Variants in SLC25A21 observed in about 807,000 individuals in gnomAD.
SLC25A21 encodes the protein mitochondrial 2-oxodicarboxylate carrier.
A neutral mutation model predicts 43.8 loss-of-function variants in SLC25A21; 47 were observed. The observed-to-expected ratio is 1.07, with a 90% confidence interval of 0.85 to 1.37. The LOEUF is 1.37. Among genes scored for constraint, SLC25A21 ranks in the 40% most tolerant of loss-of-function variants. The pLI is 0.00. For synonymous variants in SLC25A21, 131 were observed against 121.3 expected (o/e 1.08, Z -0.52); for missense variants, 352 against 350.2 (o/e 1.00, Z -0.04).
At chr14:37,031,080 A>T (rs1594760076) in intron 1 of SLC25A21, among the ~76,000 whole-genome samples, 1 of 152,206 alleles carries the variant, frequency 6.6e-6, no homozygotes, top group African/African-American at 2.4e-5. Context: ...TCTAAAACAG[A>T]GCAATTTCCA....
intron 1 of SLC25A21, among the ~76,000 whole-genome samples, chr14:36,987,403 C>T (rs1263325638): frequency 6.6e-6 from 1 of 152,024 alleles, no homozygotes; most frequent in Non-Finnish European, 1.5e-5. Context: ...AATACATGAT[C>T]ATTTTAGAAA....
At chr14:37,052,386 G>A (rs1187486525) in intron 1 of SLC25A21, among the ~76,000 whole-genome samples, 1 of 152,180 alleles carries the variant, frequency 6.6e-6, no homozygotes, top group Non-Finnish European at 1.5e-5. Context: ...GATGCACCCA[G>A]CTGGACCCCA....
chr14:36,911,956 A>G (rs1891696816), intron 1 of SLC25A21, among the ~76,000 whole-genome samples: 1 of 152,200 alleles, frequency 6.6e-6, no homozygotes, highest in African/African-American at 2.4e-5. Context: ...AATCATAAAA[A>G]TATACATCAT....
At chr14:37,161,379 C>T (rs1963937428) in intron 1 of SLC25A21, among the ~76,000 whole-genome samples, 1 of 152,036 alleles carries the variant, frequency 6.6e-6, no homozygotes, top group Non-Finnish European at 1.5e-5. Flanking sequence ...AGGAACTTTT[C>T]AGAAAGGTTG....
chr14:36,683,958 A>G (rs1884217), intron 8 of SLC25A21, 78 bp from the exon 9 acceptor site: 508,758 of 1,012,472 alleles, frequency 0.5, 134,148 homozygotes, highest in East Asian at 0.84. Context: ...TGAGATAGGG[A>G]CCCAGCATTT....
chr14:36,683,442 G>A (rs1049572770), intron 9 of SLC25A21, among the ~76,000 whole-genome samples: 1 of 152,198 alleles, frequency 6.6e-6, no homozygotes, highest in Non-Finnish European at 1.5e-5. Flanking sequence ...TGAGGCAGGA[G>A]CAAGAATGAA....
chr14:37,040,369 GAGAGAGAAAGAAAGAA>G lies in SLC25A21; in HGVS notation c.70+131896_70+131911del, dbSNP rs1206145374. On this transcript the variant is annotated intron_variant, in intron 1 of 9. Coordinates refer to ENST00000331299, the MANE Select transcript of SLC25A21 (RefSeq NM_030631.4). Reference sequence around the variant, plus strand: ...GGAAGGAAGGAAAGAAAGAGAGAGAGAGAGAGAAAGAAAGAAAGAAAGAAAGAAAGAAAGAAAGAAA... The same window carrying G: ...GGAAGGAAGGAAAGAAAGAGAGAGAGAGAAAGAAAGAAAGAAAGAAAGAAA... Among the ~76,000 whole-genome samples the G allele has an allele frequency of 7.7e-3, 217 of 28,302 alleles. 28 individuals are homozygous for G. The highest frequency in any genetic ancestry group is 0.056 in the African/African-American group (82 of 1,472). 18.6% of individuals were successfully genotyped at this position (28,302 alleles called of 152,430 possible). A position where few individuals can be genotyped will look rare whatever the true frequency, so the allele number is the denominator to read the frequency against.
chr14:36,842,230 C>T (rs557856425), intron 2 of SLC25A21, among the ~76,000 whole-genome samples: 13 of 152,198 alleles, frequency 8.5e-5, no homozygotes, highest in South Asian at 2.1e-4. Context: ...TCCTCTTCTG[C>T]CTAACCAATT....
intron 1 of SLC25A21, among the ~76,000 whole-genome samples, chr14:36,985,837 C>G (rs1025119613): frequency 6.6e-6 from 1 of 152,112 alleles, no homozygotes; most frequent in Non-Finnish European, 1.5e-5. Flanking sequence ...CTCAACAACT[C>G]CCATTATATT....
intron 1 of SLC25A21, among the ~76,000 whole-genome samples, chr14:36,891,539 T>C (rs1329852976): frequency 6.6e-6 from 1 of 152,162 alleles, no homozygotes; most frequent in Admixed American, 6.5e-5. Context: ...TCTTATACAC[T>C]AAAGTATATA....
At chr14:37,103,484 T>G (rs1962855939) in intron 1 of SLC25A21, among the ~76,000 whole-genome samples, 1 of 152,202 alleles carries the variant, frequency 6.6e-6, no homozygotes. Context: ...AAATGTTACT[T>G]CATTTAACTC....
chr14:37,048,867 G>A (rs7160700), intron 1 of SLC25A21, among the ~76,000 whole-genome samples: 4,799 of 152,156 alleles, frequency 0.032, 243 homozygotes, highest in African/African-American at 0.11. Context: ...GACTAGTTTT[G>A]CCAAAGACTT....
intron 1 of SLC25A21, among the ~76,000 whole-genome samples, chr14:37,064,032 A>T (rs1384297800): frequency 2.0e-5 from 3 of 152,180 alleles, no homozygotes; most frequent in Non-Finnish European, 4.4e-5. Flanking sequence ...GGGTGTTTCC[A>T]GGAAAGATTG....
chr14:36,760,513 G>A (rs1473925424), intron 3 of SLC25A21, among the ~76,000 whole-genome samples: 1 of 152,086 alleles, frequency 6.6e-6, no homozygotes, highest in African/African-American at 2.4e-5. Flanking sequence ...GAGTGGGAGA[G>A]AAAAATTGAA....
At chr14:36,695,314 C>A (rs1594495561) in intron 7 of SLC25A21, among the ~76,000 whole-genome samples, 1 of 152,116 alleles carries the variant, frequency 6.6e-6, no homozygotes, top group South Asian at 2.1e-4. Flanking sequence ...GTTACTGTAG[C>A]CTTGTAGTAT....
intron 7 of SLC25A21, among the ~76,000 whole-genome samples, chr14:36,686,962 A>AT (rs1318904234): frequency 6.6e-6 from 1 of 151,996 alleles, no homozygotes; most frequent in Non-Finnish European, 1.5e-5. Flanking sequence ...GTTTGTATTT[A>AT]TTTATTTGAG....
intron 2 of SLC25A21, among the ~76,000 whole-genome samples, chr14:36,855,684 C>T (rs573403673): frequency 1.5e-4 from 23 of 152,294 alleles, no homozygotes; most frequent in African/African-American, 4.8e-5. Flanking sequence ...TTCTGATACA[C>T]GCTCAAGTTT....
intron 2 of SLC25A21, among the ~76,000 whole-genome samples, chr14:36,820,905 T>C (rs1490153030): frequency 6.6e-6 from 1 of 152,210 alleles, no homozygotes; most frequent in Non-Finnish European, 1.5e-5. Context: ...AGCCCACTAA[T>C]GAATCAGAGA....
chr14:36,964,889 T>C (rs904826441), intron 1 of SLC25A21, among the ~76,000 whole-genome samples: 3 of 152,216 alleles, frequency 2.0e-5, no homozygotes, highest in Non-Finnish European at 4.4e-5. Context: ...GTCTCACCAA[T>C]TCAGTTCTGA....
Sources: gnomAD v4.1 joint callset for allele counts (sites outside exome capture counted in the v4.1 genomes callset) on GRCh38, gnomAD v4.1.1 for gene constraint, MANE v1.5 for transcripts, NCBI Gene and HGNC (gene_info 2026-07-23, HGNC 2026-07-21) for gene names.